The following WNK3 variants were observed in gnomAD, a reference collection of about 807,000 sequenced individuals.
The protein encoded by WNK3 is WNK lysine deficient protein kinase 3, also known as serine/threonine-protein kinase WNK3.
Under a neutral mutation model 116.7 loss-of-function variants are expected in WNK3, and 18 were observed. The ratio of observed to expected loss-of-function variants is 0.15; its 90% CI spans 0.11 to 0.23. WNK3 has a LOEUF of 0.23. WNK3 is among the 10% of genes least tolerant of loss of function. The pLI is 1.00. For synonymous variants in WNK3, 404 were observed against 469.4 expected (o/e 0.86, Z 1.80); for missense variants, 993 against 1,323.8 (o/e 0.75, Z 3.88).
intron 17 of WNK3, among the ~76,000 whole-genome samples, chrX:54,245,889 GCCCT>G (rs2068070823): frequency 8.9e-6 from 1 of 111,829 alleles, no homozygotes; most frequent in African/African-American, 3.2e-5. Context: ...GTGTTAAATT[GCCCT>G]CCAAGTAGGC....
Position 54,238,419 on chromosome X carries a change from G to A in WNK3, c.3937C>T (p.Arg1313Trp), listed in dbSNP as rs782307597. Residue 1313 changes from arginine (R) to tryptophan (W), a missense_variant, in exon 19 of 24, where the codon CGG becomes TGG. Physicochemically the swap from Arg to Trp is moderately radical, Grantham distance 101. Transcript: ENST00000354646. ...GCCCTAGTATCAGCTGTGGACTCCC[G>A]TGTCAGAGGAATGGGATCAGGAGCA... 2.2e-5 allele frequency: 26 copies of A among 1,208,866 alleles called. No homozygotes were observed. The highest frequency in any genetic ancestry group is 1.9e-4 in the African/African-American group (11 of 57,253).
At chrX:54,232,708 T>C in intron 21 of WNK3, 101 bp downstream of exon 21, 1 of 734,325 alleles carries the variant, frequency 1.4e-6, no homozygotes, top group Non-Finnish European at 2.0e-6. Context: ...CTTCTTTAAA[T>C]TATTTTAGCC....
chrX:54,313,962 C>T (rs2068918361), intron 2 of WNK3, among the ~76,000 whole-genome samples: 2 of 109,259 alleles, frequency 1.8e-5, no homozygotes, highest in Admixed American at 2.0e-4. Context: ...GAGGCCAAGG[C>T]GGGCAGATCG....
intron 22 of WNK3, among the ~76,000 whole-genome samples, chrX:54,211,975 C>G (rs1557143894): frequency 9.0e-6 from 1 of 111,510 alleles, no homozygotes; most frequent in African/African-American, 3.3e-5. Flanking sequence ...GCCTGTAATC[C>G]CAGCACTTTG....
At chrX:54,348,856 G>T (rs2069473958) in intron 1 of WNK3, among the ~76,000 whole-genome samples, 2 of 111,854 alleles carry the variant, frequency 1.8e-5, no homozygotes, top group Admixed American at 1.9e-4. Context: ...ACACATGTTA[G>T]AAAGTAGGAG....
At chrX:54,351,640 A>C (rs782051892) in intron 1 of WNK3, among the ~76,000 whole-genome samples, 1 of 111,401 alleles carries the variant, frequency 9.0e-6, no homozygotes, top group Non-Finnish European at 1.9e-5. Flanking sequence ...GGCTGGGTGC[A>C]GTGGCTCACG....
intron 17 of WNK3, among the ~76,000 whole-genome samples, chrX:54,247,460 T>G (rs1557152918): frequency 9.1e-6 from 1 of 110,454 alleles, no homozygotes; most frequent in African/African-American, 3.3e-5. Flanking sequence ...AAATGCAGAA[T>G]AGCATATATG....
At chrX:54,268,040 C>T (rs1235954634) in intron 10 of WNK3, among the ~76,000 whole-genome samples, 1 of 106,997 alleles carries the variant, frequency 9.3e-6, no homozygotes, top group Non-Finnish European at 1.9e-5. Flanking sequence ...TCCTAGAACA[C>T]AAAGTCAAAA....
chrX:54,338,685 T>C (rs188577096), intron 1 of WNK3, among the ~76,000 whole-genome samples: 2 of 110,112 alleles, frequency 1.8e-5, no homozygotes, highest in Non-Finnish European at 3.8e-5. Context: ...TTCTAACACC[T>C]GGCTTCCCAA....
At chrX:54,193,894 G>A (rs1014801153) in exon 24 of WNK3, 18 of 110,683 alleles carry the variant, frequency 1.6e-4, no homozygotes, top group African/African-American at 5.2e-4. Flanking sequence ...GGGAGGGGGG[G>A]AACAAGTCCT....
chrX:54,330,173 A>G (rs1557174044), intron 2 of WNK3, among the ~76,000 whole-genome samples: 1 of 111,360 alleles, frequency 9.0e-6, no homozygotes, highest in East Asian at 2.8e-4. Flanking sequence ...GGAGTTCGAG[A>G]CCAGCCTGGC....
chrX:54,339,433 C>T (rs1313925239), intron 1 of WNK3, among the ~76,000 whole-genome samples: 1 of 111,170 alleles, frequency 9.0e-6, no homozygotes, highest in Non-Finnish European at 1.9e-5. Flanking sequence ...AAATCATATG[C>T]TATGCAATAA....
chrX:54,231,176 G>A (rs2067895589), intron 21 of WNK3, among the ~76,000 whole-genome samples: 1 of 112,278 alleles, frequency 8.9e-6, no homozygotes, highest in African/African-American at 3.2e-5. Context: ...ATAGCTATTA[G>A]TGATACTGCA....
chrX:54,200,804 T>G (rs1449131775), intron 23 of WNK3, among the ~76,000 whole-genome samples: 2 of 111,752 alleles, frequency 1.8e-5, no homozygotes, highest in Admixed American at 1.9e-4. Context: ...TACAAATGCA[T>G]TTATGTCTTG....
At chrX:54,262,114 C>A (rs2068262406) in intron 10 of WNK3, among the ~76,000 whole-genome samples, 1 of 111,729 alleles carries the variant, frequency 9.0e-6, no homozygotes, top group African/African-American at 3.2e-5. Context: ...ACCTAGAATG[C>A]TGTTTTCCTA....
exon 2 of WNK3, chrX:54,333,322 T>C: frequency 8.3e-7 from 1 of 1,211,354 alleles, no homozygotes; most frequent in Non-Finnish European, 1.1e-6. Flanking sequence ...AAACAATCTT[T>C]TGAGATTTCT....
chrX:54,214,902 A>G (rs1405780287), intron 22 of WNK3, among the ~76,000 whole-genome samples: 3 of 109,174 alleles, frequency 2.7e-5, no homozygotes, highest in African/African-American at 6.7e-5. Flanking sequence ...AGTCCCAGCT[A>G]CTCAGGAGGC....
Position 54,276,718 on chromosome X carries a change from T to A in WNK3, c.2037+16170A>T, listed in dbSNP as rs1344173885. ...AAACATCTGAAAAAGGCAACATTCC[T>A]TTTTTTTTTTTTTTGAGAAGGAGTC... On this transcript the variant is annotated intron_variant, in intron 10 of 23. Transcript: ENST00000354646. 4.3e-4 allele frequency among the ~76,000 whole-genome samples: 42 copies of A among 98,094 alleles called. No homozygotes were observed. The Admixed American group carries it at 4.7e-3, about 11-fold the overall frequency. 85.2% of individuals were successfully genotyped at this position (98,094 alleles called of 115,157 possible). A position where few individuals can be genotyped will look rare whatever the true frequency, so the allele number is the denominator to read the frequency against.
chrX:54,283,941 T>TA (rs782807643), intron 10 of WNK3, among the ~76,000 whole-genome samples: 13 of 109,135 alleles, frequency 1.2e-4, no homozygotes, highest in Non-Finnish European at 1.9e-4. Context: ...ACCATGGACT[T>TA]AAACATAAAA....
Sources: gnomAD v4.1 joint callset for allele counts (sites outside exome capture counted in the v4.1 genomes callset) on GRCh38, gnomAD v4.1.1 for gene constraint, MANE v1.5 for transcripts, NCBI Gene and HGNC (gene_info 2026-07-23, HGNC 2026-07-21) for gene names.